KLHL29: variants seen among roughly 807,000 people sequenced by gnomAD.
The protein encoded by KLHL29 is kelch-like protein 29.
A neutral mutation model predicts 80.4 loss-of-function variants in KLHL29; 21 were observed. That is an observed-to-expected ratio of 0.26 (90% CI 0.19 to 0.38). The LOEUF is 0.38. KLHL29 is among the 10% of genes least tolerant of loss of function. The pLI, the probability that KLHL29 is intolerant of heterozygous loss-of-function variation, is 1.00. For missense variants in KLHL29, 867 were observed against 1,223.9 expected (o/e 0.71, Z 4.35); for synonymous variants, 511 against 526.8 (o/e 0.97, Z 0.41).
At chr2:23,511,316 C>T (rs981635061) in intron 2 of KLHL29, among the ~76,000 whole-genome samples, 2 of 152,206 alleles carry the variant, frequency 1.3e-5, no homozygotes, top group African/African-American at 2.4e-5. Context: ...ACAGCCTCAC[C>T]TTCAAGGAGC....
At chr2:23,651,380 C>A (rs562378688) in intron 5 of KLHL29, among the ~76,000 whole-genome samples, 1 of 152,224 alleles carries the variant, frequency 6.6e-6, no homozygotes, top group South Asian at 2.1e-4. Flanking sequence ...CCTCTCACTA[C>A]CTTGCCCTCC....
intron 3 of KLHL29, among the ~76,000 whole-genome samples, chr2:23,572,612 G>T (rs1260568932): frequency 6.6e-6 from 1 of 152,054 alleles, no homozygotes; most frequent in Non-Finnish European, 1.5e-5. Flanking sequence ...ACTATTGTTG[G>T]GTTAGGGAAG....
chr2:23,659,617 T>C (rs1043604445), intron 5 of KLHL29, among the ~76,000 whole-genome samples: 6 of 152,130 alleles, frequency 3.9e-5, no homozygotes, highest in Non-Finnish European at 7.4e-5. Flanking sequence ...TCCCCCACCA[T>C]TGAACCTGTT....
chr2:23,432,946 G>A (rs565708966), intron 1 of KLHL29, among the ~76,000 whole-genome samples: 2 of 152,114 alleles, frequency 1.3e-5, no homozygotes, highest in South Asian at 4.1e-4. Context: ...AGGGAGACAG[G>A]GGTTGCGAGT....
intron 1 of KLHL29, among the ~76,000 whole-genome samples, chr2:23,415,170 T>C (rs1316782613): frequency 1.3e-5 from 2 of 152,188 alleles, no homozygotes; most frequent in African/African-American, 4.8e-5. Context: ...CAGTTTCTGA[T>C]ATAAAGTGTG....
intron 2 of KLHL29, among the ~76,000 whole-genome samples, chr2:23,543,770 T>C (rs1358397628): frequency 6.6e-6 from 1 of 152,222 alleles, no homozygotes; most frequent in Non-Finnish European, 1.5e-5. Flanking sequence ...CTGAGTAATT[T>C]TCCTCGGAGG....
intron 2 of KLHL29, among the ~76,000 whole-genome samples, chr2:23,516,011 T>G (rs1665910041): frequency 1.3e-5 from 2 of 152,230 alleles, no homozygotes; most frequent in Non-Finnish European, 2.9e-5. Flanking sequence ...AGCTATAGTC[T>G]ATTGGTCAAT....
At chr2:23,417,180 C>T (rs1666997997) in intron 1 of KLHL29, among the ~76,000 whole-genome samples, 1 of 152,084 alleles carries the variant, frequency 6.6e-6, no homozygotes, top group South Asian at 2.1e-4. Flanking sequence ...AGGCTCCATC[C>T]TCTCTTAAGG....
At chr2:23,548,812 G>A (rs940379034) in intron 2 of KLHL29, among the ~76,000 whole-genome samples, 2 of 152,190 alleles carry the variant, frequency 1.3e-5, no homozygotes, top group Admixed American at 6.5e-5. Context: ...ATTTTTAAGC[G>A]GCTAAAATAG....
At chr2:23,406,696 G>A (rs952215368) in intron 1 of KLHL29, among the ~76,000 whole-genome samples, 19 of 152,056 alleles carry the variant, frequency 1.2e-4, no homozygotes, top group Admixed American at 9.2e-4. Context: ...GTAATATTGA[G>A]CCTGTCACAA....
intron 5 of KLHL29, among the ~76,000 whole-genome samples, chr2:23,653,626 G>A (rs537590422): frequency 8.7e-4 from 133 of 152,334 alleles, no homozygotes; most frequent in African/African-American, 3.1e-3. Flanking sequence ...CAGGGCCACA[G>A]AGGATGATTT....
At position 23,600,864 on chromosome 2, in the gene KLHL29, G is replaced by A. The variant is rs77425309; in HGVS notation, c.286-38275G>A. 5.0e-3 allele frequency among the ~76,000 whole-genome samples: 765 copies of A among 152,296 alleles called. 8 individuals carry two copies. The highest frequency in any genetic ancestry group is 0.018 in the African/African-American group (747 of 41,560). On this transcript the variant is annotated intron_variant, in intron 3 of 13. Coordinates refer to ENST00000486442, the MANE Select transcript of KLHL29 (RefSeq NM_052920.2). ...AGCAGAAGCAGCCACCTTTGATCCTGTCTTTACTTAGGTGAGAATAATAAC... is the reference window on the plus strand; with the variant it reads ...AGCAGAAGCAGCCACCTTTGATCCTATCTTTACTTAGGTGAGAATAATAAC...
Position 23,632,246 on chromosome 2 carries a change from C to G in KLHL29, c.286-6893C>G, listed in dbSNP as rs529334473. On this transcript the variant is annotated intron_variant, in intron 3 of 13. Transcript: ENST00000486442. ...GCCTAGCTATAAACCTATGAGCTGTCATCTAAAAGATCCCAGACACCAAAA... is the reference window on the plus strand; with the variant it reads ...GCCTAGCTATAAACCTATGAGCTGTGATCTAAAAGATCCCAGACACCAAAA... 9.5e-4 allele frequency among the ~76,000 whole-genome samples: 144 copies of G among 152,366 alleles called. 8 individuals are homozygous for G. The South Asian group carries it at 0.03, about 31-fold the overall frequency.
chr2:23,564,851 C>T (rs1353711956), intron 3 of KLHL29, among the ~76,000 whole-genome samples: 2 of 152,196 alleles, frequency 1.3e-5, no homozygotes, highest in African/African-American at 4.8e-5. Context: ...ACCAGATGAC[C>T]CAAGAATGTC....
chr2:23,438,818 G>T (rs997279226), intron 1 of KLHL29, among the ~76,000 whole-genome samples: 2 of 152,018 alleles, frequency 1.3e-5, no homozygotes, highest in Non-Finnish European at 2.9e-5. Flanking sequence ...GATGATGCTG[G>T]CCTCATAAAA....
intron 5 of KLHL29, among the ~76,000 whole-genome samples, chr2:23,649,497 C>T (rs66981954): frequency 0.15 from 22,612 of 152,186 alleles, 2,074 homozygotes; most frequent in Non-Finnish European, 0.21. Context: ...CCGCAGAGGC[C>T]GCTGGACCAC....
intron 2 of KLHL29, among the ~76,000 whole-genome samples, chr2:23,492,186 C>T (rs1480145274): frequency 2.0e-5 from 3 of 152,220 alleles, no homozygotes; most frequent in Non-Finnish European, 4.4e-5. Flanking sequence ...TCTGAGACCT[C>T]GTGCCACTGT....
intron 5 of KLHL29, among the ~76,000 whole-genome samples, chr2:23,660,131 G>A (rs1252267900): frequency 6.6e-6 from 1 of 152,160 alleles, no homozygotes; most frequent in East Asian, 1.9e-4. Context: ...GCCTAGGGCA[G>A]ACAGGTCTCT....
At position 23,402,604 on chromosome 2, in the gene KLHL29, G is replaced by A. The variant is rs138769504; in HGVS notation, c.-154+16824G>A. On this transcript the variant is annotated intron_variant, in intron 1 of 13. Transcript: ENST00000486442. Reference sequence around the variant, plus strand: ...AGCTGTGAACTGAACAGCCTGGCTTGTCTTGGGGCAGAACCTGTCCTCACA... The same window carrying A: ...AGCTGTGAACTGAACAGCCTGGCTTATCTTGGGGCAGAACCTGTCCTCACA... Among the ~76,000 whole-genome samples, 8 of 152,274 alleles carry A rather than the reference G, an allele frequency of 5.3e-5. No homozygotes were observed. The East Asian group carries it at 1.5e-3, about 29-fold the overall frequency.
Sources: allele counts gnomAD v4.1 joint callset (sites outside exome capture counted in the v4.1 genomes callset), GRCh38; gene constraint gnomAD v4.1.1; transcripts MANE v1.5; gene names NCBI Gene and HGNC (gene_info 2026-07-23, HGNC 2026-07-21).